CMPK2: variants seen among roughly 807,000 people sequenced by gnomAD.
The protein encoded by CMPK2 is UMP-CMP kinase 2, mitochondrial.
A neutral mutation model predicts 33.4 loss-of-function variants in CMPK2; 32 were observed. The observed-to-expected ratio is 0.96, with a 90% confidence interval of 0.72 to 1.29. The LOEUF is 1.29. Ranked by LOEUF, CMPK2 falls within the 50% of genes most tolerant of loss-of-function variation. The pLI, the probability that CMPK2 is intolerant of heterozygous loss-of-function variation, is 0.00. For synonymous variants in CMPK2, 299 were observed against 275.3 expected (o/e 1.09, Z -0.85); for missense variants, 672 against 616.0 (o/e 1.09, Z -0.96).
chr2:6,866,340 G>A, upstream of CMPK2: 1 of 703,218 alleles, frequency 1.4e-6, no homozygotes. Flanking sequence ...GGAACAGGGC[G>A]CAGTTCTGGC....
In CMPK2 at chr2:6,865,356, C is replaced by T. The variant is rs1215837367; in HGVS notation, c.341G>A (p.Arg114Lys). 1 of 1,438,250 alleles carries T rather than the reference C, an allele frequency of 7.0e-7. No homozygotes were observed. The highest frequency in any genetic ancestry group is 9.1e-7 in the Non-Finnish European group (1 of 1,104,642). 89.1% of individuals were successfully genotyped at this position (1,438,250 alleles called of 1,614,324 possible). ...GCCGCCCGGGCAGTAGCAGAGCAGC[C>T]TGAGCAGCTGGCACCGCTGGAAGGG... is the stretch of plus-strand genomic sequence containing the variant. ...RGPFQRCQLL[R>K]LLCYCPGGQA... The change falls in exon 1 of 5, where the codon AGG becomes AAG. Residue 114 changes from arginine to lysine, a missense_variant. Physicochemically the swap from Arg to Lys is conservative, Grantham distance 26 (BLOSUM62 2). Transcript: ENST00000256722.
In CMPK2 at chr2:6,849,161, G is replaced by T; in HGVS notation, c.*689C>A. On this transcript the variant is annotated 3_prime_UTR_variant, in exon 5 of 5. Coordinates refer to ENST00000256722, the MANE Select transcript of CMPK2 (RefSeq NM_207315.4). ...GCAAAATATAATTCAGAGAAGGTTG[G>T]TATATTTGCAGTTGGAGCATCTTGG... 6.1e-6 allele frequency: 6 copies of T among 984,952 alleles called. No individual in the cohort carries two copies. Among genetic ancestry groups the T allele is most frequent in the Non-Finnish European group, 7.2e-6 (6 of 829,502 alleles). The allele number at this position is 984,952 out of a possible 1,614,324, so 61.0% of individuals were successfully genotyped here.
chr2:6,849,314 C>T lies in CMPK2; in HGVS notation c.*536G>A, dbSNP rs960246101. 35 of 985,700 alleles carry T rather than the reference C, an allele frequency of 3.6e-5. No homozygotes were observed. In the African/African-American group the frequency reaches 5.2e-4, roughly 15 times the overall value. 61.1% of individuals were successfully genotyped at this position (985,700 alleles called of 1,614,324 possible). ...CTCTGCAGGAGTGTCCTTGGGCAGC[C>T]AGGACACATAGACAGCCTCTGCAGG... is the stretch of plus-strand genomic sequence containing the variant. On this transcript the variant is annotated 3_prime_UTR_variant, in exon 5 of 5. Coordinates refer to ENST00000256722, the MANE Select transcript of CMPK2 (RefSeq NM_207315.4).
intron 3 of CMPK2, among the ~76,000 whole-genome samples, chr2:6,856,331 C>T (rs567520880): frequency 6.6e-6 from 1 of 152,108 alleles, no homozygotes; most frequent in Non-Finnish European, 1.5e-5. Context: ...TAAGAACAGG[C>T]AGAACTAATA....
At chr2:6,854,601 G>T (rs574952157) in intron 3 of CMPK2, among the ~76,000 whole-genome samples, 2 of 152,198 alleles carry the variant, frequency 1.3e-5, no homozygotes, top group African/African-American at 4.8e-5. Context: ...TGAAAATACG[G>T]CTGCTTGTTT....
At position 6,865,234 on chromosome 2, in the gene CMPK2, C is replaced by T. The variant is rs767394337; in HGVS notation, c.463G>A (p.Glu155Lys). The T allele has an allele frequency of 1.3e-6, 2 of 1,536,168 alleles. No homozygotes were observed. The highest frequency in any genetic ancestry group is 1.4e-5 in the African/African-American group (1 of 70,656). Residue 155 changes from glutamate to lysine, a missense_variant, in exon 1 of 5, where the codon GAG becomes AAG. Transcript: ENST00000256722. ...TCGCCCAAGTGCGGGCGTGGTGCCTCCTGACAGGCGCCCAGCAGCTCGAGC... is the reference window on the plus strand; with the variant it reads ...TCGCCCAAGTGCGGGCGTGGTGCCTTCTGACAGGCGCCCAGCAGCTCGAGC... ...ALLELLGACQ[E>K]APRPHLGEFE...
chr2:6,865,901 G>C lies in CMPK2; in HGVS notation c.-205C>G, dbSNP rs1027224853. The stretch of plus-strand genomic sequence containing the variant: ...CCTTCCGGCCTCTCCTCCTCGCCGC[G>C]AGATGTGCGCGATAAACGGCCGGCG... On this transcript the variant is annotated 5_prime_UTR_variant, in exon 1 of 5. Coordinates refer to ENST00000256722, the MANE Select transcript of CMPK2 (RefSeq NM_207315.4). The C allele has an allele frequency of 7.1e-7, 1 of 1,412,410 alleles. No homozygotes were observed. The highest frequency in any genetic ancestry group is 1.5e-5 in the African/African-American group (1 of 65,936). 87.5% of individuals were successfully genotyped at this position (1,412,410 alleles called of 1,614,324 possible). A position where few individuals can be genotyped will look rare whatever the true frequency, so the allele number is the denominator to read the frequency against.
In CMPK2 at chr2:6,863,545, G is replaced by A. The variant is rs1033522516; in HGVS notation, c.709C>T (p.Leu237Phe). 1.9e-6 allele frequency: 3 copies of A among 1,614,192 alleles called. No homozygotes were observed. Among genetic ancestry groups the A allele is most frequent in the East Asian group, 2.2e-5 (1 of 44,886 alleles). ...TTTGGGCACTGGTCGACCAGGTCAAGCACTGCCCGGGCTTCAGGAATAAAG... is the reference window on the plus strand; with the variant it reads ...TTTGGGCACTGGTCGACCAGGTCAAACACTGCCCGGGCTTCAGGAATAAAG... ...TSFIPEARAV[L>F]DLVDQCPKQI... Residue 237 changes from leucine (L) to phenylalanine (F), a missense_variant, in exon 2 of 5, where the codon CTT (leucine) becomes TTT (phenylalanine). Coordinates refer to ENST00000256722, the MANE Select transcript of CMPK2 (RefSeq NM_207315.4).
Position 6,861,057 on chromosome 2 carries a change from A to G in CMPK2, c.992+127T>C, listed in dbSNP as rs567453181. The stretch of plus-strand genomic sequence containing the variant: ...TATTATCATAATAACAGTTTGACTT[A>G]AACACAATTTTTTTCCTGGCATATA... On this transcript the variant is annotated intron_variant, in intron 3 of 4. Transcript: ENST00000256722. The G allele has an allele frequency of 1.5e-4, 111 of 746,400 alleles. 1 individual carries two copies. Among genetic ancestry groups the G allele is most frequent in the Non-Finnish European group, 2.4e-4 (108 of 448,100 alleles). 46.2% of individuals were successfully genotyped at this position (746,400 alleles called of 1,614,324 possible). A position where few individuals can be genotyped will look rare whatever the true frequency, so the allele number is the denominator to read the frequency against.
chr2:6,846,700 G>T (rs1293547747), downstream of CMPK2, among the ~76,000 whole-genome samples: 8 of 152,308 alleles, frequency 5.3e-5, no homozygotes, highest in Admixed American at 5.2e-4. Flanking sequence ...TGAGGGGGTA[G>T]CCCCAGCCAG....
In CMPK2 at chr2:6,840,608, T is replaced by A. The variant is rs545010933; in HGVS notation, c.1063A>T (p.Ile355Phe). Residue 355 changes from isoleucine to phenylalanine, a missense_variant, in exon 4 of 4, where the codon ATC (isoleucine) becomes TTC (phenylalanine). Coordinates refer to the CMPK2 transcript ENST00000458098. ...TGACTCGAGTGTGATGAATCCAAGA[T>A]TCCAGTCCCACAAACTTCACTGCCG... 6.7e-5 allele frequency: 47 copies of A among 702,290 alleles called. No homozygotes were observed. In the African/African-American group the frequency reaches 7.7e-4, roughly 11 times the overall value. 43.5% of individuals were successfully genotyped at this position (702,290 alleles called of 1,614,324 possible).
At position 6,849,659 on chromosome 2, in the gene CMPK2, T is replaced by A. The variant is rs1334824558; in HGVS notation, c.*191A>T. 2 of 1,427,166 alleles carry A rather than the reference T, an allele frequency of 1.4e-6. No homozygotes were observed. Among genetic ancestry groups the A allele is most frequent in the East Asian group, 5.2e-5 (2 of 38,232 alleles). 88.4% of individuals were successfully genotyped at this position (1,427,166 alleles called of 1,614,324 possible). ...TCACTGGAACATGATGAGAGGGACC[T>A]TTGTGATGACGGGTCCATCAGTCAG... On this transcript the variant is annotated 3_prime_UTR_variant, in exon 5 of 5. Coordinates refer to ENST00000256722, the MANE Select transcript of CMPK2 (RefSeq NM_207315.4).
At chr2:6,861,839 G>T (rs1387799529) in intron 2 of CMPK2, among the ~76,000 whole-genome samples, 1 of 152,088 alleles carries the variant, frequency 6.6e-6, no homozygotes, top group Non-Finnish European at 1.5e-5. Flanking sequence ...TCCAGCCCTG[G>T]TTCTACCACT....
rs1663046469 is a variant in CMPK2 at position 6,865,470 on chromosome 2, C to T, written c.227G>A (p.Cys76Tyr). Reference protein sequence around the residue: ...LGPPERSYSLCVPVTPDAGCG... With the variant: ...LGPPERSYSLYVPVTPDAGCG... ...GCCGGCGTCCGGGGTCACGGGCACG[C>T]ACAGCGAGTAGCTGCGCTCCGGGGG... is the stretch of plus-strand genomic sequence containing the variant. The change falls in exon 1 of 5, where the codon TGC (cysteine) becomes TAC (tyrosine). Residue 76 changes from cysteine to tyrosine, a missense_variant. Transcript: ENST00000256722. 2 of 1,276,888 alleles carry T rather than the reference C, an allele frequency of 1.6e-6. No individual in the cohort carries two copies. Among genetic ancestry groups the T allele is most frequent in the East Asian group, 6.5e-5 (2 of 30,896 alleles). The allele number at this position is 1,276,888 out of a possible 1,614,324, so 79.1% of individuals were successfully genotyped here.
At chr2:6,856,632 A>G (rs1480260217) in intron 3 of CMPK2, among the ~76,000 whole-genome samples, 4 of 152,254 alleles carry the variant, frequency 2.6e-5, no homozygotes, top group African/African-American at 9.6e-5. Flanking sequence ...TCACAATCAA[A>G]GTCCTTCTGA....
chr2:6,863,368 G>T, intron 2 of CMPK2, 96 bp downstream of exon 2: 3 of 1,001,624 alleles, frequency 3.0e-6, no homozygotes, highest in South Asian at 1.5e-5. Context: ...CACACATAAG[G>T]CTCCATATAA....
chr2:6,850,818 G>C, intron 4 of CMPK2: 1 of 985,978 alleles, frequency 1.0e-6, no homozygotes, highest in Non-Finnish European at 1.2e-6. Context: ...TTTAAAGGCA[G>C]TGGTGTAGAA....
intron 1 of CMPK2, chr2:6,864,518 A>G (rs1183163437): frequency 2.0e-5 from 3 of 152,378 alleles, no homozygotes; most frequent in African/African-American, 7.2e-5. Flanking sequence ...AATCAGGACA[A>G]CATCGCAAGA....
chr2:6,850,454 A>G (rs372047571), intron 4 of CMPK2, among the ~76,000 whole-genome samples: 13 of 152,186 alleles, frequency 8.5e-5, no homozygotes, highest in East Asian at 3.9e-4. Flanking sequence ...GCTAGCCTTC[A>G]TGTGTATACA....
Sources: allele counts gnomAD v4.1 joint callset (sites outside exome capture counted in the v4.1 genomes callset), GRCh38; gene constraint gnomAD v4.1.1; transcripts MANE v1.5; gene names NCBI Gene and HGNC (gene_info 2026-07-23, HGNC 2026-07-21).